CNBD2: variants seen among roughly 807,000 people sequenced by gnomAD.
CNBD2 encodes cyclic nucleotide-binding domain-containing protein 2.
CNBD2 carries 64 observed loss-of-function variants against 63.7 expected under a neutral mutation model. The observed-to-expected ratio is 1.00, with a 90% confidence interval of 0.82 to 1.24. CNBD2 has a LOEUF of 1.24. Ranked by LOEUF, CNBD2 falls within the 50% of genes most tolerant of loss-of-function variation. CNBD2 has a pLI of 0.00. For missense variants in CNBD2, 691 were observed against 713.5 expected, an observed-to-expected ratio of 0.97 and a Z score of 0.36; for synonymous variants, 229 against 255.4, an observed-to-expected ratio of 0.90 and a Z score of 0.99.
chr20:36,022,946 T>A (rs563544813), intron 10 of CNBD2, among the ~76,000 whole-genome samples: 1 of 152,010 alleles, frequency 6.6e-6, no homozygotes, highest in African/African-American at 2.4e-5. Context: ...TTGTTGTAAG[T>A]CCTAAGGAAG....
Position 36,001,476 on chromosome 20 carries a change from G to A in CNBD2, c.970+6324G>A, listed in dbSNP as rs867661433. ...GCGCCCCTCACCTCCCAGACGGGGC[G>A]GCTGGCCGGGCGGGGGGCTGACCCC... On this transcript the variant is annotated intron_variant, in intron 8 of 11. Coordinates refer to ENST00000373973, the MANE Select transcript of CNBD2 (RefSeq NM_001365709.1). 8.5e-3 allele frequency among the ~76,000 whole-genome samples: 1,272 copies of A among 149,830 alleles called. 8 individuals carry two copies. Among genetic ancestry groups the A allele is most frequent in the African/African-American group, 0.029 (1,183 of 40,126 alleles).
At chr20:36,009,337 G>A (rs897172718) in intron 9 of CNBD2, among the ~76,000 whole-genome samples, 1 of 151,828 alleles carries the variant, frequency 6.6e-6, no homozygotes, top group Non-Finnish European at 1.5e-5. Context: ...GAGTAGCTGG[G>A]ACTACAGGCA....
Position 36,023,695 on chromosome 20 carries a change from GA to G in CNBD2, c.1366del (p.Ile456TyrfsTer5). On this transcript the variant is annotated frameshift_variant, in exon 11 of 12. Transcript: ENST00000373973. LOFTEE classifies it high-confidence loss of function. ...LGNELIRIRKEIFYELIDNDD... is the reference protein window; with the variant it reads ...LGNELIRIRKXIFYELIDNDD... ...AAATGAGTTGATACGGATAAGGAAGGAAATATTTTATGAACTGATTGACAAT... is the reference window on the plus strand; with the variant it reads ...AAATGAGTTGATACGGATAAGGAAGGAATATTTTATGAACTGATTGACAAT... The G allele has an allele frequency of 6.2e-7, 1 of 1,613,876 alleles. No homozygotes were observed. The highest frequency in any genetic ancestry group is 8.5e-7 in the Non-Finnish European group (1 of 1,179,952).
At chr20:35,976,440 C>T (rs1364782624) in intron 3 of CNBD2, among the ~76,000 whole-genome samples, 2 of 152,076 alleles carry the variant, frequency 1.3e-5, no homozygotes, top group Non-Finnish European at 2.9e-5. Context: ...TGTCAGATAC[C>T]CTTAAAGAGT....
At chr20:35,963,082 A>G (rs1032489611) in intron 2 of CNBD2, among the ~76,000 whole-genome samples, 3 of 152,270 alleles carry the variant, frequency 2.0e-5, no homozygotes, top group Middle Eastern at 3.4e-3. Flanking sequence ...GGTGGCTCAC[A>G]TCTCTAATCC....
intron 8 of CNBD2, among the ~76,000 whole-genome samples, chr20:35,998,687 A>T (rs560614428): frequency 6.6e-6 from 1 of 152,048 alleles, no homozygotes; most frequent in Admixed American, 6.5e-5. Context: ...TGGCCAACAT[A>T]TAGTGAAACC....
rs2056680751 is a variant in CNBD2 at position 35,987,282 on chromosome 20, A to T, written c.717-113A>T. 2.5e-6 allele frequency: 3 copies of T among 1,223,070 alleles called. No individual in the cohort carries two copies. The East Asian group carries it at 7.0e-5, about 29-fold the overall frequency. 75.8% of individuals were successfully genotyped at this position (1,223,070 alleles called of 1,614,324 possible). On this transcript the variant is annotated intron_variant, in intron 6 of 11. Coordinates refer to ENST00000373973, the MANE Select transcript of CNBD2 (RefSeq NM_001365709.1). The stretch of plus-strand genomic sequence containing the variant: ...AGGTAATTGGGCAGGTAGCAGCGAA[A>T]TCTTCCACCCAGGCATCCTCCACAG...
chr20:35,994,979 C>G lies in CNBD2; in HGVS notation c.856-59C>G. On this transcript the variant is annotated intron_variant, in intron 7 of 11. Transcript: ENST00000373973. Reference sequence around the variant, plus strand: ...CAATTAAGAGAGATTTTCTTCAAAGCCTGGCCTACCTGGAGCCTTAGGGGT... The same window carrying G: ...CAATTAAGAGAGATTTTCTTCAAAGGCTGGCCTACCTGGAGCCTTAGGGGT... 2.6e-6 allele frequency: 3 copies of G among 1,157,062 alleles called. No individual in the cohort carries two copies. In the South Asian group the frequency reaches 3.9e-5, roughly 15 times the overall value. The allele number at this position is 1,157,062 out of a possible 1,614,324, so 71.7% of individuals were successfully genotyped here.
At chr20:35,978,490 G>A (rs956504480) in intron 3 of CNBD2, among the ~76,000 whole-genome samples, 58 of 151,988 alleles carry the variant, frequency 3.8e-4, no homozygotes, top group African/African-American at 1.2e-3. Context: ...AACTAAAGGC[G>A]CCTGCCACCA....
At position 35,972,623 on chromosome 20, in the gene CNBD2, C is replaced by T; in HGVS notation, c.52-6C>T. The T allele has an allele frequency of 1.2e-6, 2 of 1,613,886 alleles. No individual in the cohort carries two copies. Among genetic ancestry groups the T allele is most frequent in the Admixed American group, 1.7e-5 (1 of 60,006 alleles). Reference sequence around the variant, plus strand: ...TCTATTGATCTTGTTTGCTTTGTTTCCATAGGGACTGTACCAGCTCGCCAT... The same window carrying T: ...TCTATTGATCTTGTTTGCTTTGTTTTCATAGGGACTGTACCAGCTCGCCAT... On this transcript the variant is annotated splice_polypyrimidine_tract_variant and splice_region_variant and intron_variant, in intron 1 of 11. Transcript: ENST00000373973.
chr20:36,008,457 G>A lies in CNBD2; in HGVS notation c.1131G>A (p.Met377Ile), dbSNP rs761376465. 1 of 1,610,894 alleles carries A rather than the reference G, an allele frequency of 6.2e-7. No homozygotes were observed. The highest frequency in any genetic ancestry group is 1.7e-4 in the Middle Eastern group (1 of 6,032). ...CCTCAGGAGACACTCTCCCCAAGAT[G>A]CTGGGCCCGAAGATCCAGTAAGCTC... ...IRTSGDTLPK[M>I]LGPKIQSRPA... Residue 377 changes from methionine (M) to isoleucine (I), a missense_variant, in exon 9 of 12, where the codon ATG becomes ATA. Met to Ile is a conservative substitution (Grantham distance 10). Transcript: ENST00000373973.
downstream of CNBD2, among the ~76,000 whole-genome samples, chr20:35,960,266 C>T (rs1045346706): frequency 6.6e-6 from 1 of 151,388 alleles, no homozygotes; most frequent in African/African-American, 2.5e-5. Flanking sequence ...AAGTACTAGC[C>T]AGGGTAGAAT....
At chr20:36,001,393 A>G (rs1428889940) in intron 8 of CNBD2, among the ~76,000 whole-genome samples, 5 of 124,314 alleles carry the variant, frequency 4.0e-5, no homozygotes, top group African/African-American at 1.3e-4. Flanking sequence ...CCTCCCGGAC[A>G]GGGCGGCTGG....
intron 11 of CNBD2, among the ~76,000 whole-genome samples, chr20:36,027,000 G>C (rs1170995034): frequency 6.6e-6 from 1 of 152,160 alleles, no homozygotes; most frequent in African/African-American, 2.4e-5. Flanking sequence ...AAATGTGATG[G>C]GCCATACTCA....
intron 2 of CNBD2, among the ~76,000 whole-genome samples, chr20:35,975,129 G>C (rs1279012991): frequency 7.4e-6 from 1 of 135,628 alleles, no homozygotes; most frequent in Non-Finnish European, 1.6e-5. Context: ...AGCCTCCCGA[G>C]TAGCTGGGAC....
rs1402988732 is a variant in CNBD2, at chr20:35,990,435, A to C, written c.855+2902A>C. ...CACTTGAGGTCAGGAGTTCGAGACT[A>C]GCCTGGCCAACATGGTGAAACCTCA... On this transcript the variant is annotated intron_variant, in intron 7 of 11. Transcript: ENST00000373973. Among the ~76,000 whole-genome samples the C allele has an allele frequency of 5.3e-5, 8 of 152,194 alleles. No individual in the cohort carries two copies. In the East Asian group the frequency reaches 1.3e-3, roughly 26 times the overall value.
chr20:36,012,166 G>A (rs1486625089), intron 10 of CNBD2, among the ~76,000 whole-genome samples: 1 of 152,162 alleles, frequency 6.6e-6, no homozygotes, highest in African/African-American at 2.4e-5. Flanking sequence ...CAGGCATGGT[G>A]GCACACACCT....
chr20:35,978,344 A>ATT (rs146244036), intron 3 of CNBD2, among the ~76,000 whole-genome samples: 14 of 137,088 alleles, frequency 1.0e-4, no homozygotes, highest in African/African-American at 1.6e-4. Context: ...CGCCTGGCTA[A>ATT]TTTTTTTTTT....
intron 3 of CNBD2, among the ~76,000 whole-genome samples, chr20:35,976,483 G>A (rs1024619368): frequency 2.0e-4 from 30 of 152,282 alleles, no homozygotes; most frequent in African/African-American, 6.5e-4. Context: ...GTTGACACTC[G>A]GAAGGCTGAG....
Sources: gnomAD v4.1 joint callset for allele counts (sites outside exome capture counted in the v4.1 genomes callset) on GRCh38, gnomAD v4.1.1 for gene constraint, MANE v1.5 for transcripts, NCBI Gene and HGNC (gene_info 2026-07-23, HGNC 2026-07-21) for gene names.